The following CACNA2D2 variants were observed in gnomAD, a reference collection of about 807,000 sequenced individuals.
CACNA2D2 encodes voltage-dependent calcium channel subunit alpha-2/delta-2.
In CACNA2D2, 48 loss-of-function variants were observed where a neutral mutation model predicts 166.4. That is an observed-to-expected ratio of 0.29 (90% confidence interval 0.23 to 0.37). CACNA2D2 has a LOEUF of 0.37. CACNA2D2 is among the 10% of genes least tolerant of loss of function. CACNA2D2 has a pLI of 1.00. For missense variants in CACNA2D2, 1,122 were observed against 1,433.0 expected (o/e 0.78, Z 3.50); for synonymous variants, 561 against 573.7 (o/e 0.98, Z 0.32).
chr3:50,380,826 A>G lies in CACNA2D2; in HGVS notation c.785-21T>C. On this transcript the variant is annotated intron_variant, in intron 7 of 37. Transcript: ENST00000424201. The surrounding 1 kb of genome is among the most constrained non-coding windows in gnomAD (Gnocchi z 4.9). Reference sequence around the variant, plus strand: ...GGTGGCTGAGGGAGGAGAGAAGGTGAGGGGGACTGGCAGGAAAGGGCTGGC... The same window carrying G: ...GGTGGCTGAGGGAGGAGAGAAGGTGGGGGGGACTGGCAGGAAAGGGCTGGC... 1 of 1,542,086 alleles carries G rather than the reference A, an allele frequency of 6.5e-7. No homozygotes were observed. Among genetic ancestry groups the G allele is most frequent in the Non-Finnish European group, 8.7e-7 (1 of 1,144,266 alleles).
At chr3:50,472,440 T>C (rs1710137957) in intron 2 of CACNA2D2, among the ~76,000 whole-genome samples, 1 of 152,192 alleles carries the variant, frequency 6.6e-6, no homozygotes, top group African/African-American at 2.4e-5. Flanking sequence ...CTCGGGTTCC[T>C]GCTTCTAGCC....
chr3:50,420,316 C>T (rs943741286), intron 3 of CACNA2D2, among the ~76,000 whole-genome samples: 2 of 152,232 alleles, frequency 1.3e-5, no homozygotes, highest in African/African-American at 4.8e-5. Context: ...ATGTGGCAGG[C>T]TCTGAGCTGC....
rs1251661935 is a variant in CACNA2D2, at chr3:50,366,445, T to G, written c.2638-107A>C. On this transcript the variant is annotated intron_variant, in intron 30 of 37. Transcript: ENST00000424201. The surrounding 1 kb of genome is among the most constrained non-coding windows in gnomAD (Gnocchi z 5.9). ...TTGGGGGGCATCACTCCCCCAGTCC[T>G]GGGAAGGCTGTGAAGTCAGGGTGGG... 3.4e-6 allele frequency: 5 copies of G among 1,471,824 alleles called. No individual in the cohort carries two copies. In the African/African-American group the frequency reaches 5.5e-5, roughly 16 times the overall value. The allele number at this position is 1,471,824 out of a possible 1,614,324, so 91.2% of individuals were successfully genotyped here.
rs1010514805 is a variant in CACNA2D2 at position 50,379,701 on chromosome 3, C to T, written c.993+24G>A. On this transcript the variant is annotated intron_variant, in intron 10 of 37. Transcript: ENST00000424201. The surrounding 1 kb of genome is among the most constrained non-coding windows in gnomAD (Gnocchi z 6.5). ...GGGCAGATGGGGTGACCCATTTCAC[C>T]CCGTCTGCCACCTTGGCACTCACCG... 3 of 1,613,286 alleles carry T rather than the reference C, an allele frequency of 1.9e-6. No homozygotes were observed. In the African/African-American group the frequency reaches 4.0e-5, roughly 22 times the overall value.
intron 6 of CACNA2D2, among the ~76,000 whole-genome samples, chr3:50,383,847 G>C (rs1310707476): frequency 6.6e-6 from 1 of 152,210 alleles, no homozygotes; most frequent in Non-Finnish European, 1.5e-5. Context: ...AGGGTGGTGA[G>C]GAGTTGCTTC....
At chr3:50,479,524 C>G (rs1697952055) in intron 1 of CACNA2D2, among the ~76,000 whole-genome samples, 1 of 152,220 alleles carries the variant, frequency 6.6e-6, no homozygotes, top group South Asian at 2.1e-4. Context: ...TAGGACTTCG[C>G]CAGTGTCCCA....
chr3:50,465,126 T>C (rs1709772613), intron 2 of CACNA2D2, among the ~76,000 whole-genome samples: 1 of 152,216 alleles, frequency 6.6e-6, no homozygotes, highest in Admixed American at 6.5e-5. Context: ...GCAGGCGGCA[T>C]GCTGTAGTCG....
chr3:50,446,038 T>C (rs968277077), intron 2 of CACNA2D2, among the ~76,000 whole-genome samples: 3 of 152,222 alleles, frequency 2.0e-5, no homozygotes, highest in African/African-American at 7.2e-5. Context: ...GTGTTTGCCA[T>C]GCAAACAAAC....
chr3:50,448,220 G>T (rs1363336775), intron 2 of CACNA2D2, among the ~76,000 whole-genome samples: 1 of 152,172 alleles, frequency 6.6e-6, no homozygotes, highest in African/African-American at 2.4e-5. Context: ...GCTCTGCAGG[G>T]TTGCCCTGCA....
At chr3:50,411,187 A>C (rs1706998028) in intron 3 of CACNA2D2, among the ~76,000 whole-genome samples, 1 of 152,018 alleles carries the variant, frequency 6.6e-6, no homozygotes, top group Non-Finnish European at 1.5e-5. Flanking sequence ...CACCCAGGGG[A>C]CCGCTCCTCA....
At chr3:50,457,361 T>A (rs1709406559) in intron 2 of CACNA2D2, among the ~76,000 whole-genome samples, 1 of 152,224 alleles carries the variant, frequency 6.6e-6, no homozygotes, top group Non-Finnish European at 1.5e-5. Flanking sequence ...AAGTTGGAAC[T>A]GAGGCTTCCT....
At chr3:50,471,854 A>AATC (rs1474676934) in intron 2 of CACNA2D2, among the ~76,000 whole-genome samples, 1 of 152,198 alleles carries the variant, frequency 6.6e-6, no homozygotes, top group Non-Finnish European at 1.5e-5. Context: ...GGGCACAGAG[A>AATC]TGGCTGGGGG....
rs969458402 is a variant in CACNA2D2, at chr3:50,384,294, C to T, written c.554G>A (p.Ser185Asn). ...SEDVERGSKA[S>N]TLRLDFIEDP... ...CTCGATGAAGTCCAGCCTTAGGGTG[C>T]TGGCCTTAGACCCCCTTTCCACATC... Residue 185 changes from serine to asparagine, a missense_variant, in exon 6 of 38, where the codon AGC becomes AAC. Coordinates refer to ENST00000424201, the MANE Select transcript of CACNA2D2 (RefSeq NM_006030.4). The T allele has an allele frequency of 1.2e-6, 2 of 1,614,156 alleles. No homozygotes were observed. The highest frequency in any genetic ancestry group is 8.5e-7 in the Non-Finnish European group (1 of 1,180,004).
intron 2 of CACNA2D2, among the ~76,000 whole-genome samples, chr3:50,475,816 C>T (rs966136262): frequency 2.0e-5 from 3 of 152,214 alleles, no homozygotes; most frequent in African/African-American, 7.2e-5. Context: ...GCTCCCACCC[C>T]AGGTGTCCCT....
intron 3 of CACNA2D2, among the ~76,000 whole-genome samples, chr3:50,403,958 T>C (rs1706569924): frequency 6.6e-6 from 1 of 152,134 alleles, no homozygotes; most frequent in Non-Finnish European, 1.5e-5. Context: ...CCAGATGTGG[T>C]CCCTTGAAGG....
At chr3:50,503,695 C>G (rs2107207952), upstream of CACNA2D2, 1 of 153,964 alleles carries the variant, frequency 6.5e-6, no homozygotes, top group South Asian at 1.9e-4. Flanking sequence ...CGGCACCGCC[C>G]TCTTCTCTCC....
intron 1 of CACNA2D2, among the ~76,000 whole-genome samples, chr3:50,490,438 C>G (rs766511293): frequency 6.6e-6 from 1 of 152,202 alleles, no homozygotes; most frequent in Non-Finnish European, 1.5e-5. Context: ...TGCCTGGACC[C>G]TGCCTCCCAC....
At chr3:50,477,585 T>A (rs770667908) in intron 1 of CACNA2D2, among the ~76,000 whole-genome samples, 6 of 152,196 alleles carry the variant, frequency 3.9e-5, no homozygotes, top group Non-Finnish European at 7.4e-5. Flanking sequence ...TTTGCCCTCA[T>A]GCATTTGAAA....
At chr3:50,371,031 G>A (rs1704631651) in intron 22 of CACNA2D2, among the ~76,000 whole-genome samples, 1 of 152,068 alleles carries the variant, frequency 6.6e-6, no homozygotes, top group African/African-American at 2.4e-5. Flanking sequence ...GTGCATTGTC[G>A]GGGCTGGTGG....
Sources: gnomAD v4.1 joint callset for allele counts (sites outside exome capture counted in the v4.1 genomes callset) on GRCh38, gnomAD v4.1.1 for gene constraint, Gnocchi (gnomAD v3.1) non-coding constraint, MANE v1.5 for transcripts, NCBI Gene and HGNC (gene_info 2026-07-23, HGNC 2026-07-21) for gene names.